The following TMEM154 variants were observed in gnomAD, a reference collection of about 807,000 sequenced individuals.
TMEM154 encodes transmembrane protein 154.
TMEM154 carries 27 observed loss-of-function variants against 24.5 expected under a neutral mutation model. The ratio of observed to expected loss-of-function variants is 1.10; its 90% CI spans 0.81 to 1.52. TMEM154 has a LOEUF of 1.52. Among genes scored for constraint, TMEM154 ranks in the 40% most tolerant of loss-of-function variants. The probability of loss-of-function intolerance (pLI) is 0.00; values close to 1 mark genes in which losing one functional copy is unlikely to be tolerated. For synonymous variants in TMEM154, 67 were observed against 76.8 expected (o/e 0.87, Z 0.67); for missense variants, 228 against 213.4 (o/e 1.07, Z -0.43).
chr4:152,628,672 C>T (rs1396380754), intron 6 of TMEM154, 111 bp from the exon 7 acceptor site: 202 of 1,284,010 alleles, frequency 1.6e-4, no homozygotes, highest in East Asian at 4.1e-4. Flanking sequence ...AGTCTGGCTC[C>T]GTCGCCCAGG....
chr4:152,646,786 C>G (rs1728250284), intron 3 of TMEM154: 2 of 600,006 alleles, frequency 3.3e-6, no homozygotes, highest in African/African-American at 3.7e-5. Flanking sequence ...AGGGCAGGAG[C>G]TACAGGAGCC....
chr4:152,660,613 C>T (rs1728583321), intron 1 of TMEM154, among the ~76,000 whole-genome samples: 2 of 152,138 alleles, frequency 1.3e-5, no homozygotes, highest in African/African-American at 4.8e-5. Context: ...GATTTGAAAC[C>T]AGGGGGCCGA....
chr4:152,671,480 G>A (rs2149790703), intron 1 of TMEM154, among the ~76,000 whole-genome samples: 1 of 152,226 alleles, frequency 6.6e-6, no homozygotes, highest in Non-Finnish European at 1.5e-5. Context: ...GGGCGCGGTG[G>A]CTCACGCCTG....
chr4:152,640,218 G>A (rs1259447023), intron 6 of TMEM154, among the ~76,000 whole-genome samples: 1 of 152,110 alleles, frequency 6.6e-6, no homozygotes, highest in Non-Finnish European at 1.5e-5. Context: ...CTCTCCGGGT[G>A]TCCATGAGTG....
chr4:152,644,472 T>TCTTCTGTAAC (rs557375453), intron 3 of TMEM154, 30 bp from the exon 4 acceptor site: 464 of 1,613,524 alleles, frequency 2.9e-4, no homozygotes, highest in Middle Eastern at 5.0e-4. Flanking sequence ...AAGGTCATGT[T>TCTTCTGTAAC]AGCTTTGTTC....
In TMEM154 at chr4:152,626,800, G is replaced by A. The variant is rs903516748; in HGVS notation, c.*1746C>T. 1 of 152,100 alleles carries A rather than the reference G, an allele frequency of 6.6e-6. No individual in the cohort carries two copies. Among genetic ancestry groups the A allele is most frequent in the Admixed American group, 6.6e-5 (1 of 15,262 alleles). The allele number at this position is 152,100 out of a possible 1,614,324, so 9.4% of individuals were successfully genotyped here. A position where few individuals can be genotyped will look rare whatever the true frequency, so the allele number is the denominator to read the frequency against. On this transcript the variant is annotated 3_prime_UTR_variant, in exon 7 of 7. Transcript: ENST00000304385. ...CTTCTGAGAGTCAAAATGTTGATGA[G>A]AAACAAACTGAAAGTAGCACACATA...
At chr4:152,677,254 TA>T (rs1253677549) in intron 1 of TMEM154, among the ~76,000 whole-genome samples, 1 of 152,216 alleles carries the variant, frequency 6.6e-6, no homozygotes, top group Non-Finnish European at 1.5e-5. Flanking sequence ...TATCTATCTC[TA>T]AAAAGAGAAG....
chr4:152,634,950 A>C (rs1367764175), intron 6 of TMEM154, among the ~76,000 whole-genome samples: 1 of 152,152 alleles, frequency 6.6e-6, no homozygotes, highest in Non-Finnish European at 1.5e-5. Flanking sequence ...TGCATTTTTG[A>C]CTTCAGATTT....
intron 6 of TMEM154, 41 bp from the exon 7 acceptor site, chr4:152,628,602 C>CA: frequency 1.4e-6 from 1 of 700,826 alleles, no homozygotes; most frequent in East Asian, 7.7e-5. Flanking sequence ...ACAAAAAAAA[C>CA]ACACACACAC....
chr4:152,646,687 C>CT (rs1447637188), intron 3 of TMEM154: 6 of 404,596 alleles, frequency 1.5e-5, no homozygotes, highest in African/African-American at 1.2e-4. Context: ...TCAGTTCCTA[C>CT]TTCCCCCCCA....
intron 1 of TMEM154, among the ~76,000 whole-genome samples, chr4:152,674,673 CT>C: frequency 6.6e-6 from 1 of 152,304 alleles, no homozygotes; most frequent in African/African-American, 2.4e-5. Flanking sequence ...AAGCACACCC[CT>C]GTCTCAGTTT....
chr4:152,643,089 A>G lies in TMEM154; in HGVS notation c.477T>C (p.Asn159=), dbSNP rs1056282660. ...LDKWMNSMNR[N]ADFECLPTLK... ...AAACAACTTTAGGTTACCACATACCATTTCTATTCATGCTGTTCATCCATT... is the reference window on the plus strand; with the variant it reads ...AAACAACTTTAGGTTACCACATACCGTTTCTATTCATGCTGTTCATCCATT... The change falls in exon 5 of 7, where the codon AAT becomes AAC. Residue 159 remains asparagine, a splice_region_variant and synonymous_variant. Transcript: ENST00000304385. 5 of 1,611,548 alleles carry G rather than the reference A, an allele frequency of 3.1e-6. No individual in the cohort carries two copies. The highest frequency in any genetic ancestry group is 3.4e-6 in the Non-Finnish European group (4 of 1,179,056).
intron 1 of TMEM154, among the ~76,000 whole-genome samples, chr4:152,671,111 C>A (rs945508947): frequency 6.6e-6 from 1 of 151,802 alleles, no homozygotes; most frequent in African/African-American, 2.4e-5. Flanking sequence ...GGGAGTTCTT[C>A]AAGCAAAGAG....
intron 6 of TMEM154, among the ~76,000 whole-genome samples, 182 bp from the exon 7 acceptor site, chr4:152,628,743 T>C (rs905288406): frequency 6.7e-6 from 1 of 149,406 alleles, no homozygotes; most frequent in Non-Finnish European, 1.5e-5. Flanking sequence ...TTCAGGTCAT[T>C]CTCCTGCCTC....
rs527424781 is a variant in TMEM154 at position 152,653,943 on chromosome 4, G to T, written c.65-1016C>A. The stretch of plus-strand genomic sequence containing the variant: ...AATCCCAGCTACTTGGGAGGCTGAG[G>T]CAAGAGAATTGCTTGAACCCAGGAA... On this transcript the variant is annotated intron_variant, in intron 1 of 6. Coordinates refer to ENST00000304385, the MANE Select transcript of TMEM154 (RefSeq NM_152680.3). 4.6e-5 allele frequency among the ~76,000 whole-genome samples: 7 copies of T among 151,674 alleles called. No homozygotes were observed. The East Asian group carries it at 1.4e-3, about 30-fold the overall frequency.
intron 6 of TMEM154, among the ~76,000 whole-genome samples, chr4:152,630,301 C>A (rs2149777277): frequency 1.1e-5 from 1 of 89,486 alleles, no homozygotes; most frequent in African/African-American, 4.2e-5. Context: ...AAGAGAGACA[C>A]CCTGTCTCAA....
rs561483379 is a variant in TMEM154 at position 152,654,699 on chromosome 4, A to G, written c.65-1772T>C. ...TTCCTTGCCATATGTGGATACGGAA[A>G]GGTGGTGACTGCAGGCCAGGGAGAG... is the stretch of plus-strand genomic sequence containing the variant. On this transcript the variant is annotated intron_variant, in intron 1 of 6. Coordinates refer to ENST00000304385, the MANE Select transcript of TMEM154 (RefSeq NM_152680.3). Among the ~76,000 whole-genome samples the G allele has an allele frequency of 3.3e-5, 5 of 152,350 alleles. No individual in the cohort carries two copies. In the East Asian group the frequency reaches 5.8e-4, roughly 18 times the overall value.
At position 152,621,355 on chromosome 4, in the gene TMEM154, T is replaced by C. The variant is rs1478631388; in HGVS notation, c.*7191A>G. 1.3e-5 allele frequency: 2 copies of C among 152,336 alleles called. No homozygotes were observed. The highest frequency in any genetic ancestry group is 2.9e-5 in the Non-Finnish European group (2 of 68,028). The allele number at this position is 152,336 out of a possible 1,614,324, so 9.4% of individuals were successfully genotyped here. A position where few individuals can be genotyped will look rare whatever the true frequency, so the allele number is the denominator to read the frequency against. ...GTCCTAGATGACCAGGGAGCGGCCA[T>C]ATGAGCTCACCTTGAATCAGGAACT... On this transcript the variant is annotated 3_prime_UTR_variant, in exon 7 of 7. Transcript: ENST00000304385.
intron 1 of TMEM154, chr4:152,668,832 C>G (rs1162094475): frequency 6.6e-6 from 1 of 152,278 alleles, no homozygotes; most frequent in African/African-American, 2.4e-5. Flanking sequence ...CTACAAGAGG[C>G]TGAAGAAGGA....
Sources: allele counts gnomAD v4.1 joint callset (sites outside exome capture counted in the v4.1 genomes callset), GRCh38; gene constraint gnomAD v4.1.1; transcripts MANE v1.5; gene names NCBI Gene and HGNC (gene_info 2026-07-23, HGNC 2026-07-21).